Variants in CWC25 observed in about 807,000 individuals in gnomAD.
CWC25 encodes CWC25 spliceosome associated protein.
A neutral mutation model predicts 54.6 loss-of-function variants in CWC25; 31 were observed. The observed-to-expected ratio is 0.57, with a 90% CI of 0.43 to 0.77. The LOEUF is 0.77. Ranked by LOEUF, CWC25 falls within the 30% of genes least tolerant of loss-of-function variation. The probability of loss-of-function intolerance (pLI) is 0.00; values close to 1 mark genes in which losing one functional copy is unlikely to be tolerated. For synonymous variants in CWC25, 151 were observed against 187.0 expected (o/e 0.81, Z 1.57); for missense variants, 453 against 529.3 (o/e 0.86, Z 1.41).
At chr17:38,809,604 G>A (rs1911402749) in intron 6 of CWC25, 98 bp downstream of exon 6, 1 of 1,118,484 alleles carries the variant, frequency 8.9e-7, no homozygotes, top group Admixed American at 2.1e-5. Flanking sequence ...TTTCCCAGCA[G>A]CCCAGGCTTC....
chr17:38,805,581 T>A (rs1345139804), intron 8 of CWC25, among the ~76,000 whole-genome samples: 2 of 152,170 alleles, frequency 1.3e-5, no homozygotes, highest in African/African-American at 4.8e-5. Flanking sequence ...CTCAAACTGC[T>A]GGGATTACAG....
chr17:38,801,924 A>G lies in CWC25; in HGVS notation c.*168T>C. On this transcript the variant is annotated 3_prime_UTR_variant, in exon 10 of 10. Coordinates refer to ENST00000614790, the MANE Select transcript of CWC25 (RefSeq NM_017748.5). ...AGTGTCCCACAAAGCAAGTCACACT[A>G]GCTCTCAAAGGAAGTGAGCTGTTTC... 2.0e-6 allele frequency: 1 copy of G among 510,720 alleles called. No homozygotes were observed. The highest frequency in any genetic ancestry group is 3.1e-5 in the East Asian group (1 of 32,288). The allele number at this position is 510,720 out of a possible 1,614,324, so 31.6% of individuals were successfully genotyped here.
intron 1 of CWC25, among the ~76,000 whole-genome samples, chr17:38,823,880 T>G (rs1163009854): frequency 6.6e-6 from 1 of 152,180 alleles, no homozygotes; most frequent in Non-Finnish European, 1.5e-5. Flanking sequence ...TAGAGGCCAG[T>G]GATGCTGCTA....
At chr17:38,815,851 C>T in intron 2 of CWC25, 1 of 323,990 alleles carries the variant, frequency 3.1e-6, no homozygotes, top group Non-Finnish European at 6.0e-6. Flanking sequence ...TGTGGGCACA[C>T]AGACACCAGC....
At position 38,825,024 on chromosome 17, in the gene CWC25, A is replaced by G. The variant is rs1912086812; in HGVS notation, c.18+142T>C. 3 of 693,894 alleles carry G rather than the reference A, an allele frequency of 4.3e-6. No homozygotes were observed. The East Asian group carries it at 9.7e-5, about 22-fold the overall frequency. 43.0% of individuals were successfully genotyped at this position (693,894 alleles called of 1,614,324 possible). A position where few individuals can be genotyped will look rare whatever the true frequency, so the allele number is the denominator to read the frequency against. ...CACCCCTCCATTGCCCTAAGGATCC[A>G]TCCCCTCTTCAGGGCAACGGCCTCC... On this transcript the variant is annotated intron_variant, in intron 1 of 9. Coordinates refer to ENST00000614790, the MANE Select transcript of CWC25 (RefSeq NM_017748.5).
intron 2 of CWC25, among the ~76,000 whole-genome samples, chr17:38,818,323 G>A (rs930048375): frequency 2.6e-5 from 4 of 151,678 alleles, no homozygotes; most frequent in Non-Finnish European, 5.9e-5. Flanking sequence ...GCCGGGCACT[G>A]TGGCTCACAT....
Position 38,806,845 on chromosome 17 carries a change from C to T in CWC25, c.822G>A (p.Lys274=), listed in dbSNP as rs201765128. The part of the protein sequence containing the change: ...SHSPPRHASK[K]STREAGSRDR... ...CCCGGGACCCTGCTTCCCTGGTGCTCTTCTTGCTGGCATGTCTTGGGGGTG... is the reference window on the plus strand; with the variant it reads ...CCCGGGACCCTGCTTCCCTGGTGCTTTTCTTGCTGGCATGTCTTGGGGGTG... Residue 274 remains lysine, a synonymous_variant, in exon 7 of 10, where the codon AAG becomes AAA. Transcript: ENST00000614790. The T allele has an allele frequency of 5.0e-6, 8 of 1,613,738 alleles. No homozygotes were observed. The East Asian group carries it at 1.3e-4, about 27-fold the overall frequency.
Position 38,803,059 on chromosome 17 carries a change from C to T in CWC25, c.1002-198G>A, listed in dbSNP as rs549865779. Among the ~76,000 whole-genome samples the T allele has an allele frequency of 7.9e-5, 12 of 152,260 alleles. No homozygotes were observed. The South Asian group carries it at 2.3e-3, about 29-fold the overall frequency. The stretch of plus-strand genomic sequence containing the variant: ...TTTCAAAGGCTTTTAGTAAAGTATT[C>T]CATAATCTCACTCAGTAATCTCTAG... On this transcript the variant is annotated intron_variant, in intron 8 of 9. Transcript: ENST00000614790.
chr17:38,800,975 C>CG lies in CWC25; in HGVS notation c.*1116dup, dbSNP rs1486487073. 9 of 151,970 alleles carry CG rather than the reference C, an allele frequency of 5.9e-5. No individual in the cohort carries two copies. Among genetic ancestry groups the CG allele is most frequent in the Admixed American group, 3.3e-4 (5 of 15,242 alleles). 9.4% of individuals were successfully genotyped at this position (151,970 alleles called of 1,614,324 possible). On this transcript the variant is annotated 3_prime_UTR_variant, in exon 10 of 10. Transcript: ENST00000614790. ...ATTTTTTGTATTTTTTTAGTAGAGA[C>CG]GGGGTTTCACCGTGTTCGCCAGGAT...
At chr17:38,810,121 A>C (rs1911423651) in intron 5 of CWC25, among the ~76,000 whole-genome samples, 1 of 152,158 alleles carries the variant, frequency 6.6e-6, no homozygotes, top group African/African-American at 2.4e-5. Context: ...CCATTAAAAA[A>C]AGCCTATATA....
At chr17:38,812,896 A>G (rs1911547657) in intron 3 of CWC25, 32 bp from the exon 4 acceptor site, 3 of 1,236,848 alleles carry the variant, frequency 2.4e-6, no homozygotes, top group Non-Finnish European at 3.5e-6. Context: ...ATTCATGACT[A>G]TTTCTTTTCT....
chr17:38,823,304 C>G (rs917505341), intron 1 of CWC25, among the ~76,000 whole-genome samples: 8 of 151,348 alleles, frequency 5.3e-5, no homozygotes, highest in African/African-American at 1.9e-4. Flanking sequence ...GGATTACAGG[C>G]GCCCGCCACT....
chr17:38,815,700 C>T (rs1229342214), intron 2 of CWC25: 32 of 1,279,902 alleles, frequency 2.5e-5, no homozygotes, highest in Non-Finnish European at 3.1e-5. Flanking sequence ...CTCGAGTCTC[C>T]TTTACAGAGT....
chr17:38,816,886 G>A (rs1432790793), intron 2 of CWC25, among the ~76,000 whole-genome samples: 3 of 150,466 alleles, frequency 2.0e-5, no homozygotes, highest in South Asian at 2.1e-4. Context: ...AGGTTTCACC[G>A]TGTTGGCCAG....
At chr17:38,809,574 C>T in intron 6 of CWC25, 128 bp downstream of exon 6, 1 of 731,482 alleles carries the variant, frequency 1.4e-6, no homozygotes, top group Non-Finnish European at 2.3e-6. Context: ...AGAAGGTGCT[C>T]AGCGATAAGA....
intron 9 of CWC25, 89 bp downstream of exon 9, chr17:38,802,609 AAC>A (rs2143537226): frequency 6.8e-7 from 1 of 1,478,734 alleles, no homozygotes; most frequent in Non-Finnish European, 9.2e-7. Flanking sequence ...TCCATGTGCA[AAC>A]ACAGAAACAC....
chr17:38,825,278 AT>A lies in CWC25; in HGVS notation c.-96del. The A allele has an allele frequency of 8.7e-6, 12 of 1,375,010 alleles. No individual in the cohort carries two copies. In the South Asian group the frequency reaches 1.5e-4, roughly 17 times the overall value. 85.2% of individuals were successfully genotyped at this position (1,375,010 alleles called of 1,614,324 possible). A position where few individuals can be genotyped will look rare whatever the true frequency, so the allele number is the denominator to read the frequency against. On this transcript the variant is annotated 5_prime_UTR_variant, in exon 1 of 10. Transcript: ENST00000614790. ...AATAGTTCGGGGGCTACCTCGCGGG[AT>A]CTAGTCCCAGGAGCCGTCAACTGCC...
chr17:38,802,183 G>A lies in CWC25; in HGVS notation c.1187C>T (p.Ser396Phe). The A allele has an allele frequency of 1.2e-6, 2 of 1,613,594 alleles. No individual in the cohort carries two copies. The highest frequency in any genetic ancestry group is 1.7e-6 in the Non-Finnish European group (2 of 1,179,556). Residue 396 changes from serine (S) to phenylalanine (F), a missense_variant, in exon 10 of 10, where the codon TCT becomes TTT. Around this residue, in one of 2 missense-constraint regions of CWC25, gnomAD observed 444 missense variants for 499.2 expected, o/e 0.89. Coordinates refer to ENST00000614790, the MANE Select transcript of CWC25 (RefSeq NM_017748.5). ...FIHRMKLESA[S>F]TSSLEDRVKR... is the part of the protein sequence containing the mutation. ...CACCCGATCCTCCAGGGAGGAAGTA[G>A]ATGCACTCTCCAGCTTCATGCGGCT...
At position 38,810,469 on chromosome 17, in the gene CWC25, T is replaced by A; in HGVS notation, c.625A>T (p.Arg209Ter). The A allele has an allele frequency of 6.3e-7, 1 of 1,582,676 alleles. No homozygotes were observed. The highest frequency in any genetic ancestry group is 8.6e-7 in the Non-Finnish European group (1 of 1,164,798). The part of the protein sequence containing the change: ...SSSEDEHSAG[R>*]SQKKMANSSP... ...GGAGGCCAGTCGCCACATGCTCACC[T>A]CCCTGCACTGTGCTCATCCTCGCTG... The change falls in exon 5 of 10, where the codon AGA becomes TGA. Residue 209 changes from arginine to a stop codon, truncating the protein, a stop_gained and splice_region_variant. Coordinates refer to ENST00000614790, the MANE Select transcript of CWC25 (RefSeq NM_017748.5). LOFTEE classifies it high-confidence loss of function.
Sources: allele counts gnomAD v4.1 joint callset (sites outside exome capture counted in the v4.1 genomes callset), GRCh38; gene constraint gnomAD v4.1.1; regional missense constraint gnomAD v4.1.1; transcripts MANE v1.5; gene names NCBI Gene and HGNC (gene_info 2026-07-23, HGNC 2026-07-21).